Variants in ANKRD55 observed in about 807,000 individuals in gnomAD.
ANKRD55 encodes ankyrin repeat domain-containing protein 55.
In ANKRD55, 41 loss-of-function variants were observed where a neutral mutation model predicts 60.6. The ratio of observed to expected loss-of-function variants is 0.68; its 90% CI spans 0.53 to 0.88. ANKRD55 has a LOEUF of 0.88. ANKRD55 is among the 40% of genes least tolerant of loss of function. The pLI, the probability that ANKRD55 is intolerant of heterozygous loss-of-function variation, is 0.00. For synonymous variants in ANKRD55, 264 were observed against 290.3 expected (o/e 0.91, Z 0.92); for missense variants, 732 against 767.6 (o/e 0.95, Z 0.55).
chr5:56,184,141 TC>T (rs1561284354), intron 2 of ANKRD55, among the ~76,000 whole-genome samples: 1 of 152,152 alleles, frequency 6.6e-6, no homozygotes. Flanking sequence ...CCACCCAGGC[TC>T]CCTCACCCTT....
At chr5:56,174,803 G>A (rs1364738506) in intron 4 of ANKRD55, among the ~76,000 whole-genome samples, 1 of 142,226 alleles carries the variant, frequency 7.0e-6, no homozygotes, top group Non-Finnish European at 1.5e-5. Context: ...CTGCACTCCA[G>A]CCTGGTGACA....
At chr5:56,210,851 T>C (rs910432899) in intron 2 of ANKRD55, among the ~76,000 whole-genome samples, 3 of 152,270 alleles carry the variant, frequency 2.0e-5, no homozygotes, top group Non-Finnish European at 4.4e-5. Flanking sequence ...TTTCTTTTTG[T>C]ATTCTGCAAT....
Position 56,100,298 on chromosome 5 carries a change from G to C in ANKRD55, c.1730C>G (p.Ser577Cys), listed in dbSNP as rs758362070. The change falls in exon 12 of 12, where the codon TCT (serine) becomes TGT (cysteine). Residue 577 changes from serine to cysteine, a missense_variant. Around this residue, in one of 3 missense-constraint regions of ANKRD55, gnomAD observed 597 missense variants for 607.5 expected, o/e 0.98. Coordinates refer to ENST00000341048, the MANE Select transcript of ANKRD55 (RefSeq NM_024669.3). ...TCGGTTTGTCCGCAGAGGTTCTCCA[G>C]ATAGAACTGGGAAGAAAGAATAGAA... ...LAPLPDQKFL[S>C]GEPLRTNRVL... 5.6e-6 allele frequency: 9 copies of C among 1,614,076 alleles called. No individual in the cohort carries two copies. Among genetic ancestry groups the C allele is most frequent in the Non-Finnish European group, 7.6e-6 (9 of 1,180,022 alleles).
At chr5:56,116,158 C>T (rs1024808235) in intron 9 of ANKRD55, among the ~76,000 whole-genome samples, 4 of 152,148 alleles carry the variant, frequency 2.6e-5, no homozygotes, top group South Asian at 2.1e-4. Flanking sequence ...CCTGGCCGCT[C>T]GGTTTTAATT....
At position 56,116,704 on chromosome 5, in the gene ANKRD55, G is replaced by A. The variant is rs1357076328; in HGVS notation, c.876C>T (p.Asn292=). The A allele has an allele frequency of 6.2e-7, 1 of 1,613,982 alleles. No homozygotes were observed. The highest frequency in any genetic ancestry group is 8.5e-7 in the Non-Finnish European group (1 of 1,179,982). ...QSLLELGMDS[N]LRDINESTPL... is the part of the protein sequence containing the mutation. ...GCGTGCTCTCATTGATGTCCCGCAG[G>A]TTGCTGTCCATTCCCAACTCCAGCA... Residue 292 remains asparagine (N), a synonymous_variant, in exon 9 of 12, where the codon AAC becomes AAT. Coordinates refer to ENST00000341048, the MANE Select transcript of ANKRD55 (RefSeq NM_024669.3).
rs1458294191 is a variant in ANKRD55, at chr5:56,111,722, C to A, written c.1026G>T (p.Arg342=). The A allele has an allele frequency of 6.6e-7, 1 of 1,518,144 alleles. No individual in the cohort carries two copies. The highest frequency in any genetic ancestry group is 2.3e-5 in the Admixed American group (1 of 42,986). 94.0% of individuals were successfully genotyped at this position (1,518,144 alleles called of 1,614,324 possible). ...QSSRPQKKER[R]FNVLNQIFCK... is the part of the protein sequence containing the mutation. ...AGAATATTTGGTTGAGCACGTTGAA[C>A]CGTCTCTCCTTCTTCTGGGGCCGAC... Residue 342 remains arginine (R), a synonymous_variant, in exon 10 of 12, where the codon CGG becomes CGT. Transcript: ENST00000341048.
rs754266953 is a variant in ANKRD55 at position 56,166,086 on chromosome 5, T to TTTTC, written c.422+4604_422+4607dup. 8.2e-3 allele frequency among the ~76,000 whole-genome samples: 756 copies of TTTTC among 91,660 alleles called. 29 individuals are homozygous for TTTTC. The highest frequency in any genetic ancestry group is 0.032 in the Middle Eastern group (5 of 158). 60.1% of individuals were successfully genotyped at this position (91,660 alleles called of 152,430 possible). A position where few individuals can be genotyped will look rare whatever the true frequency, so the allele number is the denominator to read the frequency against. The stretch of plus-strand genomic sequence containing the variant: ...CACCCTTCAGGGATCTTTCTTTTCT[T>TTTTC]TTTCTTTCTTTCTTTCTTTCTTTCT... On this transcript the variant is annotated intron_variant, in intron 5 of 11. Transcript: ENST00000341048.
intron 2 of ANKRD55, among the ~76,000 whole-genome samples, chr5:56,192,182 G>T (rs1759110855): frequency 6.6e-6 from 1 of 152,100 alleles, no homozygotes; most frequent in South Asian, 2.1e-4. Flanking sequence ...GCTTACATGA[G>T]GAGCATGTTT....
intron 10 of ANKRD55, among the ~76,000 whole-genome samples, chr5:56,104,749 A>G (rs1027520471): frequency 6.6e-5 from 10 of 152,198 alleles, no homozygotes; most frequent in Admixed American, 5.2e-4. Context: ...CTAGAGTACA[A>G]AGAGGAGAAA....
At chr5:56,225,677 T>G (rs1760093295) in intron 2 of ANKRD55, among the ~76,000 whole-genome samples, 2 of 152,136 alleles carry the variant, frequency 1.3e-5, no homozygotes, top group African/African-American at 4.8e-5. Context: ...ACAAGCATTC[T>G]TATACACCAA....
intron 2 of ANKRD55, among the ~76,000 whole-genome samples, chr5:56,187,534 C>G (rs1052818571): frequency 1.3e-5 from 2 of 152,034 alleles, no homozygotes; most frequent in African/African-American, 2.4e-5. Flanking sequence ...GCTGAGCTTT[C>G]GCTCACTGTC....
intron 11 of ANKRD55, among the ~76,000 whole-genome samples, chr5:56,102,246 C>T (rs1449374471): frequency 6.6e-6 from 1 of 151,918 alleles, no homozygotes; most frequent in East Asian, 1.9e-4. Flanking sequence ...AAAAATTAGC[C>T]AGGCGTGGTG....
chr5:56,138,127 C>CTTTTTT (rs70995774), intron 7 of ANKRD55, among the ~76,000 whole-genome samples: 11 of 129,830 alleles, frequency 8.5e-5, no homozygotes, highest in East Asian at 2.2e-4. Context: ...GTTTCTTTTT[C>CTTTTTT]TTTTTTTTTT....
chr5:56,205,040 G>A (rs6869694), intron 2 of ANKRD55, among the ~76,000 whole-genome samples: 11,912 of 149,506 alleles, frequency 0.08, 736 homozygotes, highest in African/African-American at 0.18. Context: ...CTGGAAGAGA[G>A]TTTAGACTTG....
intron 6 of ANKRD55, among the ~76,000 whole-genome samples, chr5:56,154,541 T>C (rs202233457): frequency 6.6e-6 from 1 of 151,480 alleles, no homozygotes; most frequent in East Asian, 1.9e-4. Context: ...ATAAAATAAA[T>C]AATTGGCAAA....
intron 2 of ANKRD55, among the ~76,000 whole-genome samples, chr5:56,231,792 T>A (rs1211365345): frequency 6.6e-6 from 1 of 152,120 alleles, no homozygotes; most frequent in Non-Finnish European, 1.5e-5. Flanking sequence ...TAAATATAAA[T>A]TTATTTTTGG....
intron 2 of ANKRD55, among the ~76,000 whole-genome samples, chr5:56,197,786 C>T (rs576814744): frequency 1.3e-5 from 2 of 152,144 alleles, no homozygotes; most frequent in East Asian, 1.9e-4. Flanking sequence ...AACCACTGAT[C>T]GGCTTTTAAT....
chr5:56,222,321 C>T (rs1458573500), intron 2 of ANKRD55, among the ~76,000 whole-genome samples: 4 of 152,134 alleles, frequency 2.6e-5, no homozygotes, highest in Non-Finnish European at 4.4e-5. Context: ...ACAGAAAGGA[C>T]ATCCACACCA....
At chr5:56,163,566 G>A in intron 5 of ANKRD55, among the ~76,000 whole-genome samples, 1 of 152,190 alleles carries the variant, frequency 6.6e-6, no homozygotes, top group Admixed American at 6.5e-5. Flanking sequence ...AGCAAGAGCA[G>A]TCCCAGACAG....
Sources: allele counts gnomAD v4.1 joint callset (sites outside exome capture counted in the v4.1 genomes callset), GRCh38; gene constraint gnomAD v4.1.1; regional missense constraint gnomAD v4.1.1; transcripts MANE v1.5; gene names NCBI Gene and HGNC (gene_info 2026-07-23, HGNC 2026-07-21).